Variants in MAP6 observed in about 807,000 individuals in gnomAD.
The protein encoded by MAP6 is microtubule associated protein 6.
Under a neutral mutation model 42.4 loss-of-function variants are expected in MAP6, and 26 were observed. The observed-to-expected ratio is 0.61, with a 90% CI of 0.45 to 0.85. The LOEUF is 0.85. Ranked by LOEUF, MAP6 falls within the 40% of genes least tolerant of loss-of-function variation. The probability of loss-of-function intolerance (pLI) is 0.00; values close to 1 mark genes in which losing one functional copy is unlikely to be tolerated. For synonymous variants in MAP6, 418 were observed against 443.8 expected (o/e 0.94, Z 0.73); for missense variants, 966 against 1,099.0 (o/e 0.88, Z 1.71).
rs1299395925 is a variant in MAP6 at position 75,668,456 on chromosome 11, C to T, written c.-87G>A. The T allele has an allele frequency of 7.0e-6, 10 of 1,425,936 alleles. No individual in the cohort carries two copies. The highest frequency in any genetic ancestry group is 2.2e-4 in the Middle Eastern group (1 of 4,638). The allele number at this position is 1,425,936 out of a possible 1,614,324, so 88.3% of individuals were successfully genotyped here. On this transcript the variant is annotated 5_prime_UTR_variant, in exon 1 of 4. Coordinates refer to ENST00000304771, the MANE Select transcript of MAP6 (RefSeq NM_033063.2). ...TCTTCCTTCAGCCTCCGATCCTGAC[C>T]GGCCAATGTGGTTCCCACCGTTTTC... is the stretch of plus-strand genomic sequence containing the variant.
In MAP6 at chr11:75,636,839, C is replaced by T. The variant is rs578044763; in HGVS notation, c.906-28517G>A. Among the ~76,000 whole-genome samples the T allele has an allele frequency of 5.3e-5, 8 of 152,314 alleles. No individual in the cohort carries two copies. The South Asian group carries it at 1.7e-3, about 32-fold the overall frequency. On this transcript the variant is annotated intron_variant, in intron 1 of 3. Coordinates refer to ENST00000304771, the MANE Select transcript of MAP6 (RefSeq NM_033063.2). ...CAAAGAAGCCTTTCATCCATATTCT[C>T]CCTCAATCCTTCTTGCCTCCTGACC...
chr11:75,658,758 C>A (rs1943794196), intron 1 of MAP6, among the ~76,000 whole-genome samples: 1 of 152,222 alleles, frequency 6.6e-6, no homozygotes, highest in African/African-American at 2.4e-5. Context: ...AAGTTCTGCC[C>A]ACACAGAACT....
chr11:75,597,902 G>C (rs1309015436), intron 3 of MAP6, among the ~76,000 whole-genome samples: 1 of 152,122 alleles, frequency 6.6e-6, no homozygotes, highest in African/African-American at 2.4e-5. Flanking sequence ...CTGCCATACT[G>C]TTAGGGACCA....
chr11:75,592,553 C>T, intron 3 of MAP6, among the ~76,000 whole-genome samples: 1 of 152,000 alleles, frequency 6.6e-6, no homozygotes. Flanking sequence ...CTTGAATATT[C>T]CCACTTCTTT....
intron 1 of MAP6, among the ~76,000 whole-genome samples, chr11:75,645,409 A>G (rs1025297998): frequency 1.3e-5 from 2 of 152,146 alleles, no homozygotes; most frequent in Non-Finnish European, 2.9e-5. Context: ...AGAGTCATGC[A>G]TGGGTGTGGA....
chr11:75,627,237 C>T (rs1943213275), intron 1 of MAP6, among the ~76,000 whole-genome samples: 2 of 152,244 alleles, frequency 1.3e-5, no homozygotes, highest in African/African-American at 4.8e-5. Context: ...CCCCAGGGAA[C>T]TCTGTGCCAT....
Position 75,668,099 on chromosome 11 carries a change from C to A in MAP6, c.271G>T (p.Gly91Cys). ...RATGPAPGPT[G>C]EREPAAGPGR... ...GGGCCCGCCGCCGGCTCGCGCTCGC[C>A]GGTAGGCCCAGGCGCTGGCCCCGTT... The change falls in exon 1 of 4, where the codon GGC (glycine) becomes TGC (cysteine). Residue 91 changes from glycine (G) to cysteine (C), a missense_variant. Gly to Cys is a radical substitution (Grantham distance 159). Transcript: ENST00000304771. 1 of 1,210,690 alleles carries A rather than the reference C, an allele frequency of 8.3e-7. No homozygotes were observed. The highest frequency in any genetic ancestry group is 3.9e-5 in the South Asian group (1 of 25,752). 75.0% of individuals were successfully genotyped at this position (1,210,690 alleles called of 1,614,324 possible). A position where few individuals can be genotyped will look rare whatever the true frequency, so the allele number is the denominator to read the frequency against.
intron 1 of MAP6, among the ~76,000 whole-genome samples, chr11:75,621,887 G>A (rs1407310987): frequency 1.3e-5 from 2 of 152,094 alleles, no homozygotes. Context: ...GCCAGGTGTT[G>A]TGGTGGGTGC....
intron 3 of MAP6, chr11:75,597,167 C>A (rs956495148): frequency 6.6e-6 from 1 of 152,246 alleles, no homozygotes; most frequent in African/African-American, 2.4e-5. Flanking sequence ...ATTCCCTCCC[C>A]CTAGGCTGTG....
chr11:75,667,866 G>C lies in MAP6; in HGVS notation c.504C>G (p.Arg168=). 6.9e-7 allele frequency: 1 copy of C among 1,444,414 alleles called. No individual in the cohort carries two copies. Among genetic ancestry groups the C allele is most frequent in the South Asian group, 1.4e-5 (1 of 71,448 alleles). 89.5% of individuals were successfully genotyped at this position (1,444,414 alleles called of 1,614,324 possible). A position where few individuals can be genotyped will look rare whatever the true frequency, so the allele number is the denominator to read the frequency against. The change falls in exon 1 of 4, where the codon CGC becomes CGG. Residue 168 remains arginine (R), a synonymous_variant. Transcript: ENST00000304771. This position sits in a 1 kb window ranked among gnomAD's most constrained non-coding sequence, Gnocchi z 5.6. Reference sequence around the variant, plus strand: ...GCTTGGGGATCCACGGGTGGTCCCCGCGGCGCGGCAGCGGCCAGGCGCGGA... The same window carrying C: ...GCTTGGGGATCCACGGGTGGTCCCCCCGGCGCGGCAGCGGCCAGGCGCGGA... ...KDFRAWPLPR[R]GDHPWIPKPV...
chr11:75,632,710 A>G (rs1250361296), intron 1 of MAP6, among the ~76,000 whole-genome samples: 2 of 152,232 alleles, frequency 1.3e-5, no homozygotes, highest in South Asian at 2.1e-4. Context: ...AGAACAGATT[A>G]GAACTAACCA....
chr11:75,638,264 A>G (rs941986110), intron 1 of MAP6, among the ~76,000 whole-genome samples: 4 of 152,250 alleles, frequency 2.6e-5, no homozygotes, highest in African/African-American at 9.6e-5. Flanking sequence ...TGAATTGATT[A>G]GAAACAGAAC....
intron 1 of MAP6, among the ~76,000 whole-genome samples, chr11:75,621,007 T>C (rs1036909704): frequency 2.6e-5 from 4 of 151,970 alleles, no homozygotes; most frequent in African/African-American, 9.7e-5. Context: ...GGTGGGTGCC[T>C]GTAGTCCCAG....
intron 1 of MAP6, among the ~76,000 whole-genome samples, chr11:75,653,802 T>C (rs540935791): frequency 6.6e-6 from 1 of 152,322 alleles, no homozygotes; most frequent in African/African-American, 2.4e-5. Context: ...TTAATGGTTC[T>C]TTACCCAGAA....
At chr11:75,617,795 C>T (rs1016681036) in intron 1 of MAP6, among the ~76,000 whole-genome samples, 3 of 152,120 alleles carry the variant, frequency 2.0e-5, no homozygotes, top group Admixed American at 6.5e-5. Flanking sequence ...TTCCCCGTCA[C>T]TGTCAGGGTT....
chr11:75,617,533 A>C (rs1056058009), intron 1 of MAP6, among the ~76,000 whole-genome samples: 1 of 150,906 alleles, frequency 6.6e-6, no homozygotes, highest in African/African-American at 2.4e-5. Context: ...AAAAAAAAAA[A>C]AAAAAAAACC....
intron 1 of MAP6, among the ~76,000 whole-genome samples, chr11:75,614,062 T>G (rs945352258): frequency 1.5e-4 from 23 of 152,218 alleles, no homozygotes; most frequent in African/African-American, 5.3e-4. Context: ...CTGTTCCTTC[T>G]CTGACCTGTA....
intron 3 of MAP6, among the ~76,000 whole-genome samples, chr11:75,590,247 C>A (rs942796913): frequency 6.6e-6 from 1 of 152,124 alleles, no homozygotes; most frequent in African/African-American, 2.4e-5. Flanking sequence ...TAGGTGTATT[C>A]TCTTAGATTG....
chr11:75,627,659 G>A (rs1419070982), intron 1 of MAP6, among the ~76,000 whole-genome samples: 1 of 152,138 alleles, frequency 6.6e-6, no homozygotes, highest in African/African-American at 2.4e-5. Flanking sequence ...ACTGTATGAG[G>A]CACACTTTTT....
Sources: allele counts gnomAD v4.1 joint callset (sites outside exome capture counted in the v4.1 genomes callset), GRCh38; gene constraint gnomAD v4.1.1; non-coding constraint Gnocchi (gnomAD v3.1); transcripts MANE v1.5; gene names NCBI Gene and HGNC (gene_info 2026-07-23, HGNC 2026-07-21).